The following RFWD3 variants were observed in gnomAD, a reference collection of about 807,000 sequenced individuals.
RFWD3 encodes the protein E3 ubiquitin-protein ligase RFWD3.
A neutral mutation model predicts 87.7 loss-of-function variants in RFWD3; 65 were observed. The ratio of observed to expected loss-of-function variants is 0.74; its 90% CI spans 0.61 to 0.91. RFWD3 has a LOEUF of 0.91. RFWD3 is among the 40% of genes least tolerant of loss of function. RFWD3 has a pLI of 0.00. For synonymous variants in RFWD3, 433 were observed against 352.8 expected, an observed-to-expected ratio of 1.23 and a Z score of -2.55; for missense variants, 1,078 against 938.5, an observed-to-expected ratio of 1.15 and a Z score of -1.94.
At chr16:74,645,755 T>TC (rs1567578248) in intron 4 of RFWD3, among the ~76,000 whole-genome samples, 4 of 142,028 alleles carry the variant, frequency 2.8e-5, no homozygotes, top group South Asian at 4.8e-4. Context: ...CTTTTTTTTT[T>TC]TTTTTTTTTT....
Position 74,644,370 on chromosome 16 carries a change from G to A in RFWD3, c.1071C>T (p.Arg357=), listed in dbSNP as rs753087972. ...LRALDTSEQE[R]MKSSLLKEQM... ...ATACTCTTACCACCTACCTTTTCAT[G>A]CGCTCCTGTTCACTAGTGTCCAAAG... Residue 357 remains arginine, a synonymous_variant, in exon 6 of 13, where the codon CGC becomes CGT. Transcript: ENST00000361070. 5.1e-5 allele frequency: 82 copies of A among 1,613,896 alleles called. No homozygotes were observed. The highest frequency in any genetic ancestry group is 3.8e-4 in the Admixed American group (23 of 59,990).
Position 74,636,407 on chromosome 16 carries a change from G to C in RFWD3, c.1365C>G (p.Tyr455Ter), listed in dbSNP as rs1959197990. ...TCACCAGGCAGCTCAGAGCATCACA[G>C]TATGCCATGATCCGGCAGTTTCCTG... Reference protein sequence around the residue: ...SQAGNCRIMAYCDALSCLVIS... With the variant: ...SQAGNCRIMA Residue 455 changes from tyrosine to a stop codon, truncating the protein, a stop_gained, in exon 8 of 13, where the codon TAC becomes TAG. Transcript: ENST00000361070. LOFTEE classifies it high-confidence loss of function. 13 of 1,614,210 alleles carry C rather than the reference G, an allele frequency of 8.1e-6. No homozygotes were observed. The highest frequency in any genetic ancestry group is 1.1e-5 in the Non-Finnish European group (13 of 1,180,030).
In RFWD3 at chr16:74,623,701, G is replaced by A. The variant is rs1004960939; in HGVS notation, c.*227C>T. ...AATGAAGGCTTTAAACCCAAGAAAT[G>A]GATAATGTAGATAAAGTACCCATCA... On this transcript the variant is annotated 3_prime_UTR_variant, in exon 13 of 13. Coordinates refer to ENST00000361070, the MANE Select transcript of RFWD3 (RefSeq NM_018124.4). The A allele has an allele frequency of 2.8e-5, 13 of 459,056 alleles. No individual in the cohort carries two copies. The highest frequency in any genetic ancestry group is 5.4e-4 in the Middle Eastern group (1 of 1,842). 28.4% of individuals were successfully genotyped at this position (459,056 alleles called of 1,614,324 possible).
chr16:74,632,620 G>C lies in RFWD3; in HGVS notation c.1480C>G (p.Pro494Ala). 1 of 1,614,102 alleles carries C rather than the reference G, an allele frequency of 6.2e-7. No homozygotes were observed. Among genetic ancestry groups the C allele is most frequent in the Non-Finnish European group, 8.5e-7 (1 of 1,180,006 alleles). ...TANMKSSQYIPMHGKQIRGLA... is the reference protein window; with the variant it reads ...TANMKSSQYIAMHGKQIRGLA... The stretch of plus-strand genomic sequence containing the variant: ...CCACGGATCTGTTTGCCATGCATCG[G>C]AATGTACTGACTGCTCTTCATGTTG... The change falls in exon 9 of 13, where the codon CCG (proline) becomes GCG (alanine). Residue 494 changes from proline (P) to alanine (A), a missense_variant. Coordinates refer to ENST00000361070, the MANE Select transcript of RFWD3 (RefSeq NM_018124.4).
chr16:74,642,147 G>A (rs1959714491), intron 6 of RFWD3, among the ~76,000 whole-genome samples: 1 of 152,018 alleles, frequency 6.6e-6, no homozygotes, highest in South Asian at 2.1e-4. Context: ...ATTTGACACA[G>A]AGTCTTGCTC....
intron 8 of RFWD3, among the ~76,000 whole-genome samples, chr16:74,633,808 G>A (rs1328063278): frequency 6.6e-6 from 1 of 151,876 alleles, no homozygotes; most frequent in Non-Finnish European, 1.5e-5. Context: ...GAATTAGCTG[G>A]GCGTAGTGGG....
intron 1 of RFWD3, among the ~76,000 whole-genome samples, chr16:74,663,603 A>T (rs1302266522): frequency 6.6e-6 from 1 of 152,224 alleles, no homozygotes; most frequent in Non-Finnish European, 1.5e-5. Flanking sequence ...CACTCCAGTC[A>T]TTCCTAAAAC....
rs1487270527 is a variant in RFWD3 at position 74,637,901 on chromosome 16, C to T, written c.1149G>A (p.Leu383=). Residue 383 remains leucine (L), a synonymous_variant, in exon 7 of 13, where the codon CTG becomes CTA. Transcript: ENST00000361070. ...ELESAQCRLQ[L]QVLTDKCTRL... ...TAGTGCACTTATCAGTGAGGACCTG[C>T]AGTTGGAGTCGGCACTGTGCTGATT... The T allele has an allele frequency of 2.5e-6, 4 of 1,612,842 alleles. No individual in the cohort carries two copies. The highest frequency in any genetic ancestry group is 1.9e-4 in the Middle Eastern group (1 of 5,358).
At chr16:74,650,832 G>A (rs1443107213) in intron 3 of RFWD3, among the ~76,000 whole-genome samples, 4 of 151,582 alleles carry the variant, frequency 2.6e-5, no homozygotes, top group Non-Finnish European at 4.4e-5. Context: ...AGCTGTGATC[G>A]TGCCACTGCA....
chr16:74,637,570 T>G (rs559731172), intron 7 of RFWD3, among the ~76,000 whole-genome samples: 3 of 151,958 alleles, frequency 2.0e-5, no homozygotes, highest in African/African-American at 7.3e-5. Flanking sequence ...GAGACAGAGG[T>G]TGCAGTGAGC....
chr16:74,644,093 G>A (rs1727883367), intron 6 of RFWD3: 2 of 517,956 alleles, frequency 3.9e-6, no homozygotes, highest in Non-Finnish European at 7.0e-6. Context: ...GGTGGTCAGG[G>A]ATATGAGAAG....
chr16:74,625,199 CA>C (rs61114405), intron 12 of RFWD3, among the ~76,000 whole-genome samples: 191 of 121,784 alleles, frequency 1.6e-3, no homozygotes, highest in Non-Finnish European at 2.1e-3. Context: ...GACCCTGTCT[CA>C]AAAAAAAAAA....
chr16:74,655,406 ATTT>A (rs771700177), intron 2 of RFWD3, among the ~76,000 whole-genome samples: 2 of 143,814 alleles, frequency 1.4e-5, no homozygotes, highest in Non-Finnish European at 3.1e-5. Context: ...CGCCTGGCTA[ATTT>A]TTTTTTTTTT....
intron 7 of RFWD3, 123 bp downstream of exon 7, chr16:74,637,733 G>C: frequency 1.5e-6 from 1 of 660,464 alleles, no homozygotes; most frequent in South Asian, 1.8e-5. Context: ...TAAGGAGTTG[G>C]TCATGTTCAT....
intron 3 of RFWD3, among the ~76,000 whole-genome samples, chr16:74,651,458 A>C (rs1372573971): frequency 6.6e-6 from 1 of 152,054 alleles, no homozygotes; most frequent in East Asian, 1.9e-4. Context: ...TCTCTACAAA[A>C]AATTTAAAAA....
rs575786073 is a variant in RFWD3 at position 74,657,905 on chromosome 16, A to G, written c.518+3027T>C. On this transcript the variant is annotated intron_variant, in intron 2 of 12. Coordinates refer to ENST00000361070, the MANE Select transcript of RFWD3 (RefSeq NM_018124.4). ...ATTTCATAAGAAGATTTAATCAAAT[A>G]CATACTAGAGTTAGGGTGTTGACAC... is the stretch of plus-strand genomic sequence containing the variant. 8.5e-5 allele frequency among the ~76,000 whole-genome samples: 13 copies of G among 152,362 alleles called. No individual in the cohort carries two copies. The East Asian group carries it at 2.5e-3, about 29-fold the overall frequency.
chr16:74,658,292 G>C (rs1961157679), intron 2 of RFWD3, among the ~76,000 whole-genome samples: 1 of 152,174 alleles, frequency 6.6e-6, no homozygotes, highest in African/African-American at 2.4e-5. Flanking sequence ...ATCAATATTT[G>C]ATGAATGAGT....
At chr16:74,626,227 G>A (rs905337447) in intron 12 of RFWD3, 116 bp downstream of exon 12, 2 of 868,924 alleles carry the variant, frequency 2.3e-6, no homozygotes, top group African/African-American at 3.4e-5. Flanking sequence ...GGATTACAGA[G>A]CAGAACTTAC....
chr16:74,634,816 AG>A (rs921731690), intron 8 of RFWD3, among the ~76,000 whole-genome samples: 1 of 148,194 alleles, frequency 6.7e-6, no homozygotes, highest in Non-Finnish European at 1.5e-5. Context: ...GGAAAAAAAA[AG>A]GGGGGAAGGG....
Sources: gnomAD v4.1 joint callset for allele counts (sites outside exome capture counted in the v4.1 genomes callset) on GRCh38, gnomAD v4.1.1 for gene constraint, MANE v1.5 for transcripts, NCBI Gene and HGNC (gene_info 2026-07-23, HGNC 2026-07-21) for gene names.